Variants in CHRM3 observed in about 807,000 individuals in gnomAD.
CHRM3 encodes cholinergic receptor muscarinic 3, also known as muscarinic acetylcholine receptor M3.
In CHRM3, 11 loss-of-function variants were observed where a neutral mutation model predicts 41.8. That is an observed-to-expected ratio of 0.26 (90% CI 0.17 to 0.44). The LOEUF (loss-of-function observed/expected upper bound fraction) is 0.44. Ranked by LOEUF, CHRM3 falls within the 20% of genes least tolerant of loss-of-function variation. The probability of loss-of-function intolerance (pLI) is 1.00; values close to 1 mark genes in which losing one functional copy is unlikely to be tolerated. For missense variants in CHRM3, 571 were observed against 745.4 expected (o/e 0.77, Z 2.72); for synonymous variants, 297 against 301.4 (o/e 0.99, Z 0.15).
chr1:239,530,595 C>T (rs1030146686), intron 2 of CHRM3, among the ~76,000 whole-genome samples: 1 of 152,070 alleles, frequency 6.6e-6, no homozygotes, highest in East Asian at 1.9e-4. Flanking sequence ...TAAGTATGGC[C>T]TAAGAACTAA....
chr1:239,683,715 C>T (rs990314121), intron 5 of CHRM3, among the ~76,000 whole-genome samples: 5 of 152,180 alleles, frequency 3.3e-5, no homozygotes, highest in Non-Finnish European at 7.3e-5. Flanking sequence ...TTGTGAACAG[C>T]TGAATAGCTT....
intron 4 of CHRM3, among the ~76,000 whole-genome samples, chr1:239,637,710 C>CT (rs112810831): frequency 0.069 from 7,533 of 109,402 alleles, 268 homozygotes; most frequent in Middle Eastern, 0.17. Flanking sequence ...TCACATTTTT[C>CT]TTTTTTTTTT....
chr1:239,808,186 T>G (rs559330144), intron 5 of CHRM3, among the ~76,000 whole-genome samples: 1 of 152,150 alleles, frequency 6.6e-6, no homozygotes, highest in African/African-American at 2.4e-5. Context: ...AAGACAGCCC[T>G]AGAGAAAGCT....
intron 3 of CHRM3, among the ~76,000 whole-genome samples, chr1:239,610,898 A>G (rs1666944072): frequency 6.6e-6 from 1 of 152,178 alleles, no homozygotes; most frequent in Non-Finnish European, 1.5e-5. Flanking sequence ...CTAAAAATAC[A>G]AAAATGACCT....
intron 3 of CHRM3, among the ~76,000 whole-genome samples, chr1:239,574,257 G>C (rs1662117861): frequency 6.6e-6 from 1 of 152,114 alleles, no homozygotes; most frequent in Non-Finnish European, 1.5e-5. Flanking sequence ...ATTTCACTCA[G>C]AGAAAAAGCC....
At chr1:239,478,403 C>A (rs1666604511) in intron 1 of CHRM3, among the ~76,000 whole-genome samples, 1 of 152,078 alleles carries the variant, frequency 6.6e-6, no homozygotes, top group Admixed American at 6.6e-5. Flanking sequence ...TGACTTTGAT[C>A]ATCTAAAAAG....
chr1:239,545,453 T>G (rs1263555872), intron 2 of CHRM3, among the ~76,000 whole-genome samples, 188 bp from the exon 3 acceptor site: 1 of 152,202 alleles, frequency 6.6e-6, no homozygotes, highest in Admixed American at 6.5e-5. Context: ...AAACCATTTA[T>G]ATTCTTAAAG....
chr1:239,710,863 C>T (rs1661708138), intron 5 of CHRM3, among the ~76,000 whole-genome samples: 2 of 151,976 alleles, frequency 1.3e-5, no homozygotes, highest in Non-Finnish European at 2.9e-5. Context: ...AACAACCTGC[C>T]GTGTTCCTAA....
chr1:239,820,244 G>A (rs769319329), intron 5 of CHRM3, among the ~76,000 whole-genome samples: 5 of 152,188 alleles, frequency 3.3e-5, no homozygotes, highest in African/African-American at 9.7e-5. Flanking sequence ...GTGCACAGAC[G>A]CTTATACATA....
In CHRM3 at chr1:239,828,179, C is replaced by T. The variant is rs573534604; in HGVS notation, c.-20+801C>T. On this transcript the variant is annotated intron_variant, in intron 6 of 6. Coordinates refer to ENST00000676153, the MANE Select transcript of CHRM3 (RefSeq NM_001375978.1). ...TGACACAGAGATACACATATATACA[C>T]ATACGGATATTCACACATAGATATA... Among the ~76,000 whole-genome samples, 11 of 152,266 alleles carry T rather than the reference C, an allele frequency of 7.2e-5. No individual in the cohort carries two copies. In the East Asian group the frequency reaches 1.9e-3, roughly 27 times the overall value.
chr1:239,844,241 T>C (rs1480708718), intron 6 of CHRM3, among the ~76,000 whole-genome samples: 1 of 152,132 alleles, frequency 6.6e-6, no homozygotes, highest in Non-Finnish European at 1.5e-5. Flanking sequence ...CCACCCACCA[T>C]ATATGTCTGT....
At chr1:239,699,142 T>C (rs538637866) in intron 5 of CHRM3, among the ~76,000 whole-genome samples, 1 of 152,286 alleles carries the variant, frequency 6.6e-6, no homozygotes, top group South Asian at 2.1e-4. Flanking sequence ...GTGTTGTTTC[T>C]GTATTCTTAT....
At chr1:239,526,522 A>G (rs1377325684) in intron 2 of CHRM3, among the ~76,000 whole-genome samples, 4 of 152,142 alleles carry the variant, frequency 2.6e-5, no homozygotes, top group African/African-American at 9.7e-5. Flanking sequence ...ATTTGCTAGA[A>G]GCCCCTGTGT....
intron 3 of CHRM3, among the ~76,000 whole-genome samples, chr1:239,617,885 T>C (rs1453131666): frequency 6.6e-6 from 1 of 152,172 alleles, no homozygotes; most frequent in Non-Finnish European, 1.5e-5. Context: ...ACCACTGTGG[T>C]GTGCCCCTGG....
intron 5 of CHRM3, among the ~76,000 whole-genome samples, chr1:239,706,153 A>G (rs1661140716): frequency 6.7e-6 from 1 of 149,580 alleles, no homozygotes; most frequent in African/African-American, 2.4e-5. Context: ...AATAAATACA[A>G]ACTAACATAT....
intron 1 of CHRM3, among the ~76,000 whole-genome samples, chr1:239,486,985 A>G (rs917071093): frequency 6.6e-6 from 1 of 152,228 alleles, no homozygotes; most frequent in Non-Finnish European, 1.5e-5. Flanking sequence ...CTAGATTTTG[A>G]CATTTATTGC....
chr1:239,630,719 T>C (rs1272884281), intron 3 of CHRM3, among the ~76,000 whole-genome samples: 2 of 152,158 alleles, frequency 1.3e-5, no homozygotes, highest in Non-Finnish European at 1.5e-5. Flanking sequence ...TGCTGCTATG[T>C]AAGAGAGGCA....
chr1:239,394,341 T>G (rs1052888895), intron 1 of CHRM3, among the ~76,000 whole-genome samples: 5 of 152,138 alleles, frequency 3.3e-5, no homozygotes, highest in Non-Finnish European at 7.3e-5. Context: ...CAATCTCTGC[T>G]TCTGTGGTCA....
chr1:239,801,488 A>G (rs1670208483), intron 5 of CHRM3, among the ~76,000 whole-genome samples: 1 of 152,148 alleles, frequency 6.6e-6, no homozygotes, highest in Non-Finnish European at 1.5e-5. Context: ...AGTGTGCCTC[A>G]TAGGAATCTG....
Sources: allele counts gnomAD v4.1 joint callset (sites outside exome capture counted in the v4.1 genomes callset), GRCh38; gene constraint gnomAD v4.1.1; transcripts MANE v1.5; gene names NCBI Gene and HGNC (gene_info 2026-07-23, HGNC 2026-07-21).